The following RBM33 variants were observed in gnomAD, a reference collection of about 807,000 sequenced individuals.
RBM33 encodes the protein RNA binding motif protein 33.
In RBM33, 28 loss-of-function variants were observed where a neutral mutation model predicts 132.6. The observed-to-expected ratio is 0.21, with a 90% confidence interval of 0.16 to 0.29. RBM33 has a LOEUF of 0.29. Among genes scored for constraint, RBM33 ranks in the 10% least tolerant of loss-of-function variants. The probability of loss-of-function intolerance (pLI) is 1.00; values close to 1 mark genes in which losing one functional copy is unlikely to be tolerated. For synonymous variants in RBM33, 634 were observed against 593.0 expected, an observed-to-expected ratio of 1.07 and a Z score of -1.01; for missense variants, 1,291 against 1,518.5, an observed-to-expected ratio of 0.85 and a Z score of 2.49.
At position 155,739,762 on chromosome 7, in the gene RBM33, G is replaced by A. The variant is rs1295841081; in HGVS notation, c.1785G>A (p.Gln595=). 1 of 1,544,806 alleles carries A rather than the reference G, an allele frequency of 6.5e-7. No individual in the cohort carries two copies. The highest frequency in any genetic ancestry group is 1.7e-4 in the Middle Eastern group (1 of 5,934). The part of the protein sequence containing the change: ...PLPPPHQPQP[Q]QPQQQPPPQH... ...CCCCTCCGCATCAGCCTCAGCCTCAGCAACCTCAGCAACAGCCCCCGCCAC... is the reference window on the plus strand; with the variant it reads ...CCCCTCCGCATCAGCCTCAGCCTCAACAACCTCAGCAACAGCCCCCGCCAC... The change falls in exon 12 of 18, where the codon CAG becomes CAA. Residue 595 remains glutamine (Q), a synonymous_variant. Coordinates refer to ENST00000401878, the MANE Select transcript of RBM33 (RefSeq NM_053043.3).
chr7:155,773,128 TTTCTC>T (rs1439480315), intron 16 of RBM33, among the ~76,000 whole-genome samples: 1 of 152,194 alleles, frequency 6.6e-6, no homozygotes, highest in Non-Finnish European at 1.5e-5. Context: ...AGTTAGTTAT[TTTCTC>T]TAGCTATTCT....
At chr7:155,701,606 A>T (rs902701451) in intron 6 of RBM33, 1 of 152,274 alleles carries the variant, frequency 6.6e-6, no homozygotes, top group Non-Finnish European at 1.5e-5. Flanking sequence ...ATCTCAGAGG[A>T]CTTGTTAAAA....
At chr7:155,680,303 T>A (rs190450823) in intron 4 of RBM33, among the ~76,000 whole-genome samples, 2 of 152,346 alleles carry the variant, frequency 1.3e-5, no homozygotes, top group East Asian at 3.9e-4. Flanking sequence ...TTTAATTCAT[T>A]TGGTCAAATA....
At chr7:155,655,534 CTTTTTTTTT>C (rs756948005) in intron 1 of RBM33, among the ~76,000 whole-genome samples, 2 of 80,114 alleles carry the variant, frequency 2.5e-5, no homozygotes, top group African/African-American at 1.0e-4. Context: ...GGCTGTTTGC[CTTTTTTTTT>C]TTTTTTTTTT....
intron 8 of RBM33, among the ~76,000 whole-genome samples, chr7:155,714,169 C>T (rs1800391581): frequency 6.6e-6 from 1 of 152,144 alleles, no homozygotes; most frequent in East Asian, 1.9e-4. Flanking sequence ...TGTCTCTGTC[C>T]AGCTGCGCTC....
intron 1 of RBM33, among the ~76,000 whole-genome samples, chr7:155,646,791 T>C (rs767407411): frequency 2.6e-4 from 39 of 152,370 alleles, no homozygotes; most frequent in Middle Eastern, 6.8e-3. Context: ...GTTTTTTAAA[T>C]CTGCCTCCCA....
intron 2 of RBM33, among the ~76,000 whole-genome samples, chr7:155,667,445 T>C (rs1156450989): frequency 6.6e-6 from 1 of 152,186 alleles, no homozygotes; most frequent in Non-Finnish European, 1.5e-5. Flanking sequence ...TTATTCAGAT[T>C]GTTTTCAGTT....
rs955740300 is a variant in RBM33 at position 155,774,766 on chromosome 7, A to G, written c.3464+119A>G. The G allele has an allele frequency of 1.1e-5, 10 of 903,816 alleles. No individual in the cohort carries two copies. Among genetic ancestry groups the G allele is most frequent in the Non-Finnish European group, 1.8e-5 (10 of 548,580 alleles). 56.0% of individuals were successfully genotyped at this position (903,816 alleles called of 1,614,324 possible). A position where few individuals can be genotyped will look rare whatever the true frequency, so the allele number is the denominator to read the frequency against. Reference sequence around the variant, plus strand: ...TCCCCACCTGTTCCTGTAGAAGGACACTAGGGCACAAAGCGCAGACGGTGA... The same window carrying G: ...TCCCCACCTGTTCCTGTAGAAGGACGCTAGGGCACAAAGCGCAGACGGTGA... On this transcript the variant is annotated intron_variant, in intron 17 of 17. Coordinates refer to ENST00000401878, the MANE Select transcript of RBM33 (RefSeq NM_053043.3). This position sits in a 1 kb window ranked among gnomAD's most constrained non-coding sequence, Gnocchi z 4.2.
chr7:155,681,882 A>G (rs10274256), intron 5 of RBM33, among the ~76,000 whole-genome samples: 2,493 of 152,188 alleles, frequency 0.016, 61 homozygotes, highest in African/African-American at 0.056. Context: ...GGAACCTTTG[A>G]ATATTTAGTT....
intron 1 of RBM33, among the ~76,000 whole-genome samples, chr7:155,654,785 T>C (rs940794562): frequency 1.3e-5 from 2 of 152,220 alleles, no homozygotes; most frequent in Non-Finnish European, 1.5e-5. Flanking sequence ...TGCTGATAAA[T>C]TTACATAATA....
At chr7:155,647,453 C>G (rs574037353) in intron 1 of RBM33, among the ~76,000 whole-genome samples, 7 of 151,848 alleles carry the variant, frequency 4.6e-5, no homozygotes, top group African/African-American at 1.7e-4. Flanking sequence ...TTTTTTGAGA[C>G]AGGGTCTTGC....
chr7:155,659,641 A>G (rs1798587708), intron 1 of RBM33, among the ~76,000 whole-genome samples: 1 of 152,218 alleles, frequency 6.6e-6, no homozygotes, highest in South Asian at 2.1e-4. Flanking sequence ...GACCCACGAG[A>G]GCAAGAAATT....
intron 13 of RBM33, among the ~76,000 whole-genome samples, chr7:155,743,285 A>G (rs572711416): frequency 9.2e-5 from 14 of 152,370 alleles, no homozygotes; most frequent in Middle Eastern, 3.4e-3. Flanking sequence ...CTTCTAGTGT[A>G]TATAGCCAGC....
At chr7:155,672,007 AATTGCAAATCACTG>A (rs546305818) in intron 2 of RBM33, among the ~76,000 whole-genome samples, 19 of 152,320 alleles carry the variant, frequency 1.2e-4, no homozygotes, top group Admixed American at 7.8e-4. Context: ...TGCTAGAAAA[AATTGCAAATCACTG>A]ATACGACATC....
chr7:155,741,399 T>G (rs924307191), intron 12 of RBM33, among the ~76,000 whole-genome samples: 2 of 152,236 alleles, frequency 1.3e-5, no homozygotes, highest in Non-Finnish European at 2.9e-5. Context: ...GATTCTTTCC[T>G]TGTTCCAGCT....
intron 6 of RBM33, among the ~76,000 whole-genome samples, chr7:155,706,293 A>T (rs1800110752): frequency 6.6e-6 from 1 of 152,156 alleles, no homozygotes; most frequent in Admixed American, 6.5e-5. Flanking sequence ...GGAGTTCGGG[A>T]CCAGCCTGGG....
At chr7:155,652,141 G>T (rs1276563166) in intron 1 of RBM33, among the ~76,000 whole-genome samples, 2 of 152,148 alleles carry the variant, frequency 1.3e-5, no homozygotes, top group Non-Finnish European at 2.9e-5. Context: ...TTAGTGATTT[G>T]GACTAGGAAC....
At chr7:155,701,802 T>G (rs1391180992) in intron 6 of RBM33, among the ~76,000 whole-genome samples, 3 of 152,122 alleles carry the variant, frequency 2.0e-5, no homozygotes, top group Non-Finnish European at 4.4e-5. Context: ...AGTCTTCTGC[T>G]TCAGCCTCCC....
intron 9 of RBM33, among the ~76,000 whole-genome samples, chr7:155,723,967 C>G (rs148226780): frequency 6.6e-6 from 1 of 152,086 alleles, no homozygotes; most frequent in African/African-American, 2.4e-5. Flanking sequence ...AAATTCTCTT[C>G]GGATATAGAG....
Sources: allele counts gnomAD v4.1 joint callset (sites outside exome capture counted in the v4.1 genomes callset), GRCh38; gene constraint gnomAD v4.1.1; non-coding constraint Gnocchi (gnomAD v3.1); transcripts MANE v1.5; gene names NCBI Gene and HGNC (gene_info 2026-07-23, HGNC 2026-07-21).